TINAGL1: variants seen among roughly 807,000 people sequenced by gnomAD.
TINAGL1 encodes the protein tubulointerstitial nephritis antigen like 1.
Under a neutral mutation model 62.0 loss-of-function variants are expected in TINAGL1, and 34 were observed. The ratio of observed to expected loss-of-function variants is 0.55; its 90% CI spans 0.42 to 0.73. The LOEUF is 0.73. TINAGL1 is among the 30% of genes least tolerant of loss of function. The pLI, the probability that TINAGL1 is intolerant of heterozygous loss-of-function variation, is 0.00. For synonymous variants in TINAGL1, 221 were observed against 249.7 expected (o/e 0.88, Z 1.08); for missense variants, 516 against 653.2 (o/e 0.79, Z 2.29).
In TINAGL1 at chr1:31,585,539, T is replaced by C. The variant is rs1639368381; in HGVS notation, c.1093+54T>C. 1.2e-6 allele frequency: 2 copies of C among 1,605,306 alleles called. No individual in the cohort carries two copies. Among genetic ancestry groups the C allele is most frequent in the African/African-American group, 2.7e-5 (2 of 74,764 alleles). On this transcript the variant is annotated intron_variant, in intron 9 of 11. Transcript: ENST00000271064. The surrounding 1 kb of genome is among the most constrained non-coding windows in gnomAD (Gnocchi z 4.3). ...CCAGAAGCTTGTGCCTGCTTGAGAG[T>C]GGGCACAGTAGCACAAGTGGCCTGC...
chr1:31,579,401 A>AG, intron 3 of TINAGL1, 134 bp downstream of exon 3: 1 of 739,656 alleles, frequency 1.4e-6, no homozygotes. Flanking sequence ...CCTCATCTGC[A>AG]ATAGAGGAAT....
At position 31,580,716 on chromosome 1, in the gene TINAGL1, A is replaced by T. The variant is rs1192125155; in HGVS notation, c.374+1449A>T. ...ACAGCTTGCAAGGAGGCAGTTCAGCATCTTGTAATAACAGAGTTATGAGCT... is the reference window on the plus strand; with the variant it reads ...ACAGCTTGCAAGGAGGCAGTTCAGCTTCTTGTAATAACAGAGTTATGAGCT... On this transcript the variant is annotated intron_variant, in intron 3 of 11. Transcript: ENST00000271064. The T allele has an allele frequency of 3.2e-6, 4 of 1,269,246 alleles. No homozygotes were observed. The South Asian group carries it at 5.0e-5, about 16-fold the overall frequency. The allele number at this position is 1,269,246 out of a possible 1,614,324, so 78.6% of individuals were successfully genotyped here. A position where few individuals can be genotyped will look rare whatever the true frequency, so the allele number is the denominator to read the frequency against.
intron 3 of TINAGL1, among the ~76,000 whole-genome samples, 165 bp from the exon 4 acceptor site, chr1:31,582,984 A>C (rs1268438307): frequency 1.3e-5 from 2 of 152,112 alleles, no homozygotes; most frequent in Non-Finnish European, 2.9e-5. Flanking sequence ...AGAATCATGA[A>C]CTAGACGTTG....
At position 31,585,417 on chromosome 1, in the gene TINAGL1, T is replaced by C. The variant is rs1639364825; in HGVS notation, c.1048-23T>C. ...GGAGTCTCACCCCTGACGTATGCTCTCTGTCCATCCCCTGCCCTCCAGGAC... is the reference window on the plus strand; with the variant it reads ...GGAGTCTCACCCCTGACGTATGCTCCCTGTCCATCCCCTGCCCTCCAGGAC... On this transcript the variant is annotated intron_variant, in intron 8 of 11. Coordinates refer to ENST00000271064, the MANE Select transcript of TINAGL1 (RefSeq NM_022164.3). This position sits in a 1 kb window ranked among gnomAD's most constrained non-coding sequence, Gnocchi z 4.3. 1.2e-6 allele frequency: 2 copies of C among 1,613,578 alleles called. No homozygotes were observed. The highest frequency in any genetic ancestry group is 1.3e-5 in the African/African-American group (1 of 74,946).
In TINAGL1 at chr1:31,585,409, G is replaced by A. The variant is rs372577161; in HGVS notation, c.1048-31G>A. ...GAAAGCCTGGAGTCTCACCCCTGAC[G>A]TATGCTCTCTGTCCATCCCCTGCCC... On this transcript the variant is annotated intron_variant, in intron 8 of 11. Transcript: ENST00000271064. The surrounding 1 kb of genome is among the most constrained non-coding windows in gnomAD (Gnocchi z 4.3). 69 of 1,613,014 alleles carry A rather than the reference G, an allele frequency of 4.3e-5. No individual in the cohort carries two copies. The highest frequency in any genetic ancestry group is 1.9e-4 in the South Asian group (17 of 90,896).
In TINAGL1 at chr1:31,586,006, C is replaced by A. The variant is rs1177208601; in HGVS notation, c.1217+130C>A. ...TCTCATCATTTCAATAGGGAGAAAA[C>A]TGAGACTCAGAAAGAGAAAGGACTT... is the stretch of plus-strand genomic sequence containing the variant. On this transcript the variant is annotated intron_variant, in intron 10 of 11. Transcript: ENST00000271064. 3.2e-6 allele frequency: 4 copies of A among 1,268,224 alleles called. No homozygotes were observed. In the African/African-American group the frequency reaches 6.1e-5, roughly 19 times the overall value. 78.6% of individuals were successfully genotyped at this position (1,268,224 alleles called of 1,614,324 possible). A position where few individuals can be genotyped will look rare whatever the true frequency, so the allele number is the denominator to read the frequency against.
In TINAGL1 at chr1:31,587,157, A is replaced by AGGCGAGACT. The variant is rs1248306918; in HGVS notation, c.*183_*191dup. 1 of 1,012,842 alleles carries AGGCGAGACT rather than the reference A, an allele frequency of 9.9e-7. No homozygotes were observed. The highest frequency in any genetic ancestry group is 4.2e-5 in the Admixed American group (1 of 23,806). 62.7% of individuals were successfully genotyped at this position (1,012,842 alleles called of 1,614,324 possible). On this transcript the variant is annotated 3_prime_UTR_variant, in exon 12 of 12. Transcript: ENST00000271064. ...AGCGCCCCGCCTGGGAGCCGCGGGC[A>AGGCGAGACT]GGCGAGACTGGCGGAGCCCCCAGAC...
Position 31,584,147 on chromosome 1 carries a change from C to T in TINAGL1, c.583-531C>T. ...CAGGCAGCGGGGAGGCAGGGGCTGG[C>T]AGGAGTGGCCCTCCCTGCGGAGACT... On this transcript the variant is annotated intron_variant, in intron 5 of 11. Transcript: ENST00000271064. The surrounding 1 kb of genome is among the most constrained non-coding windows in gnomAD (Gnocchi z 4.0). The T allele has an allele frequency of 5.9e-6, 1 of 168,298 alleles. No homozygotes were observed. The allele number at this position is 168,298 out of a possible 1,614,324, so 10.4% of individuals were successfully genotyped here.
chr1:31,582,583 C>A (rs1639276595), intron 3 of TINAGL1, among the ~76,000 whole-genome samples: 1 of 152,096 alleles, frequency 6.6e-6, no homozygotes, highest in African/African-American at 2.4e-5. Context: ...GTTAAAAATA[C>A]CCTGGGAAGC....
At position 31,586,953 on chromosome 1, in the gene TINAGL1, G is replaced by C; in HGVS notation, c.1378G>C (p.Gly460Arg). ...SFVLGVWGRV[G>R]MEDMGHH ...CGTGCTGGGCGTCTGGGGCCGCGTG[G>C]GCATGGAGGACATGGGTCATCACTG... Residue 460 changes from glycine to arginine, a missense_variant, in exon 12 of 12, where the codon GGC becomes CGC. Coordinates refer to ENST00000271064, the MANE Select transcript of TINAGL1 (RefSeq NM_022164.3). 1 of 1,532,524 alleles carries C rather than the reference G, an allele frequency of 6.5e-7. No individual in the cohort carries two copies. 94.9% of individuals were successfully genotyped at this position (1,532,524 alleles called of 1,614,324 possible).
chr1:31,582,522 G>A (rs1639274541), intron 3 of TINAGL1, among the ~76,000 whole-genome samples: 1 of 152,128 alleles, frequency 6.6e-6, no homozygotes, highest in Middle Eastern at 3.2e-3. Context: ...GTTTTGGGCA[G>A]AGGAACGACA....
intron 2 of TINAGL1, among the ~76,000 whole-genome samples, chr1:31,578,378 ATG>A (rs1344295069): frequency 8.4e-4 from 48 of 57,282 alleles, no homozygotes; most frequent in African/African-American, 1.5e-3. Flanking sequence ...GAGAGCTGGT[ATG>A]TGTGTGTGTG....
intron 2 of TINAGL1, among the ~76,000 whole-genome samples, chr1:31,578,969 T>C (rs1639118900): frequency 7.5e-6 from 1 of 133,354 alleles, no homozygotes; most frequent in South Asian, 2.7e-4. Context: ...GTGTGATGCC[T>C]TCAGTTATAG....
chr1:31,580,429 G>T (rs533552219), intron 3 of TINAGL1: 2 of 1,289,212 alleles, frequency 1.6e-6, no homozygotes, highest in South Asian at 1.2e-5. Context: ...GGGCGAGGGT[G>T]GGGGAGTGTC....
chr1:31,583,151 C>T lies in TINAGL1; in HGVS notation c.377C>T (p.Thr126Ile). Residue 126 changes from threonine to isoleucine, a missense_variant and splice_region_variant, in exon 4 of 12, where the codon ACC (threonine) becomes ATC (isoleucine). Thr to Ile is a moderately conservative substitution (Grantham distance 89, BLOSUM62 -1). Transcript: ENST00000271064. This position sits in a 1 kb window ranked among gnomAD's most constrained non-coding sequence, Gnocchi z 4.4. ...TCCTTCTCTCCTTTTCTCACCAGCA[C>T]CTGCCAGGAGAACAGGCAGTGGCAG... The part of the protein sequence containing the change: ...GTYWDNCNRC[T>I]CQENRQWQCD... 5.0e-6 allele frequency: 8 copies of T among 1,613,896 alleles called. No individual in the cohort carries two copies. The highest frequency in any genetic ancestry group is 6.8e-6 in the Non-Finnish European group (8 of 1,179,756).
At chr1:31,582,018 A>G (rs1639258933) in intron 3 of TINAGL1, among the ~76,000 whole-genome samples, 1 of 152,238 alleles carries the variant, frequency 6.6e-6, no homozygotes, top group Non-Finnish European at 1.5e-5. Flanking sequence ...TTTACAGCCT[A>G]TGAGGAAACA....
Position 31,577,853 on chromosome 1 carries a change from G to T in TINAGL1, c.310+395G>T. 5.2e-6 allele frequency: 1 copy of T among 192,154 alleles called. No individual in the cohort carries two copies. Among genetic ancestry groups the T allele is most frequent in the South Asian group, 1.3e-4 (1 of 7,468 alleles). The allele number at this position is 192,154 out of a possible 1,614,324, so 11.9% of individuals were successfully genotyped here. Reference sequence around the variant, plus strand: ...AGATGGCTGCTCATACCTGGGAGATGGGTCAAATCTTTTCCTGCTTTCAGC... The same window carrying T: ...AGATGGCTGCTCATACCTGGGAGATTGGTCAAATCTTTTCCTGCTTTCAGC... On this transcript the variant is annotated intron_variant, in intron 2 of 11. Coordinates refer to ENST00000271064, the MANE Select transcript of TINAGL1 (RefSeq NM_022164.3). The surrounding 1 kb of genome is among the most constrained non-coding windows in gnomAD (Gnocchi z 5.4).
intron 3 of TINAGL1, among the ~76,000 whole-genome samples, chr1:31,582,612 A>G (rs373405712): frequency 2.0e-5 from 3 of 152,206 alleles, no homozygotes; most frequent in African/African-American, 7.2e-5. Flanking sequence ...GGGCAGATGC[A>G]TGGAGCACCC....
At position 31,584,157 on chromosome 1, in the gene TINAGL1, C is replaced by T. The variant is rs1240119785; in HGVS notation, c.583-521C>T. 1.8e-5 allele frequency: 3 copies of T among 167,570 alleles called. No individual in the cohort carries two copies. The highest frequency in any genetic ancestry group is 7.2e-5 in the African/African-American group (3 of 41,790). 10.4% of individuals were successfully genotyped at this position (167,570 alleles called of 1,614,324 possible). On this transcript the variant is annotated intron_variant, in intron 5 of 11. Transcript: ENST00000271064. The surrounding 1 kb of genome is among the most constrained non-coding windows in gnomAD (Gnocchi z 4.0). ...GGAGGCAGGGGCTGGCAGGAGTGGC[C>T]CTCCCTGCGGAGACTTCGGCCTTGG...
Sources: allele counts gnomAD v4.1 joint callset (sites outside exome capture counted in the v4.1 genomes callset), GRCh38; gene constraint gnomAD v4.1.1; non-coding constraint Gnocchi (gnomAD v3.1); transcripts MANE v1.5; gene names NCBI Gene and HGNC (gene_info 2026-07-23, HGNC 2026-07-21).